Variants in ZDHHC17 observed in about 807,000 individuals in gnomAD.
ZDHHC17 encodes zDHHC palmitoyltransferase 17.
ZDHHC17 carries 40 observed loss-of-function variants against 90.3 expected under a neutral mutation model. The observed-to-expected ratio is 0.44, with a 90% CI of 0.34 to 0.58. The LOEUF is 0.58. Ranked by LOEUF, ZDHHC17 falls within the 20% of genes least tolerant of loss-of-function variation. The pLI is 0.01. For missense variants in ZDHHC17, 614 were observed against 780.8 expected, an observed-to-expected ratio of 0.79 and a Z score of 2.55; for synonymous variants, 235 against 252.4, an observed-to-expected ratio of 0.93 and a Z score of 0.65.
At chr12:76,781,943 G>A (rs1170771919) in intron 1 of ZDHHC17, among the ~76,000 whole-genome samples, 2 of 152,156 alleles carry the variant, frequency 1.3e-5, no homozygotes, top group African/African-American at 2.4e-5. Context: ...TGTTAAGTGG[G>A]TTTTTTCTTG....
Position 76,851,628 on chromosome 12 carries a change from A to G in ZDHHC17, c.*643A>G, listed in dbSNP as rs1953568984. On this transcript the variant is annotated 3_prime_UTR_variant, in exon 17 of 17. Transcript: ENST00000426126. ...CTAGTTCAGTGAAATAATTTGTAGTAACCTTACTCTGAGGTTTTACGGTCT... is the reference window on the plus strand; with the variant it reads ...CTAGTTCAGTGAAATAATTTGTAGTGACCTTACTCTGAGGTTTTACGGTCT... 6.5e-6 allele frequency: 1 copy of G among 152,730 alleles called. No homozygotes were observed. The highest frequency in any genetic ancestry group is 6.5e-5 in the Admixed American group (1 of 15,278). The allele number at this position is 152,730 out of a possible 1,614,324, so 9.5% of individuals were successfully genotyped here. A position where few individuals can be genotyped will look rare whatever the true frequency, so the allele number is the denominator to read the frequency against.
At chr12:76,842,227 TG>T in intron 11 of ZDHHC17, 121 bp downstream of exon 11, 1 of 1,077,440 alleles carries the variant, frequency 9.3e-7, no homozygotes, top group Non-Finnish European at 1.2e-6. Flanking sequence ...TAAGCTAAAT[TG>T]AGATTATGTA....
chr12:76,796,900 A>G (rs983657742), intron 1 of ZDHHC17, among the ~76,000 whole-genome samples: 1 of 152,224 alleles, frequency 6.6e-6, no homozygotes, highest in African/African-American at 2.4e-5. Flanking sequence ...CTTGTTTCTA[A>G]TCTTACAGAT....
rs1952395804 is a variant in ZDHHC17 at position 76,764,178 on chromosome 12, C to T, written c.-59C>T. 7.2e-7 allele frequency: 1 copy of T among 1,387,456 alleles called. No individual in the cohort carries two copies. The highest frequency in any genetic ancestry group is 9.6e-7 in the Non-Finnish European group (1 of 1,039,104). The allele number at this position is 1,387,456 out of a possible 1,614,324, so 85.9% of individuals were successfully genotyped here. ...TCGCCTCCGGCGGGGCTCGCGCTCG[C>T]CCCGCGCTCGCCCTCCGCCTCGCCC... is the stretch of plus-strand genomic sequence containing the variant. On this transcript the variant is annotated 5_prime_UTR_variant, in exon 1 of 17. Coordinates refer to ENST00000426126, the MANE Select transcript of ZDHHC17 (RefSeq NM_015336.4).
intron 10 of ZDHHC17, among the ~76,000 whole-genome samples, chr12:76,833,943 A>G (rs1223252357): frequency 6.6e-6 from 1 of 152,170 alleles, no homozygotes; most frequent in Non-Finnish European, 1.5e-5. Flanking sequence ...TGAATAGCCA[A>G]CCTAAATAGG....
chr12:76,788,128 G>A (rs1384366635), intron 1 of ZDHHC17, among the ~76,000 whole-genome samples: 1 of 152,174 alleles, frequency 6.6e-6, no homozygotes, highest in South Asian at 2.1e-4. Context: ...CATTGTGGGT[G>A]GGATAGTAGG....
At chr12:76,776,125 T>A (rs969886477) in intron 1 of ZDHHC17, among the ~76,000 whole-genome samples, 2 of 151,962 alleles carry the variant, frequency 1.3e-5, no homozygotes, top group Non-Finnish European at 2.9e-5. Context: ...AAAAAAAAAA[T>A]TCTTGACAAA....
Position 76,850,581 on chromosome 12 carries a change from A to C in ZDHHC17, c.1761-266A>C, listed in dbSNP as rs186960530. Among the ~76,000 whole-genome samples the C allele has an allele frequency of 1.3e-3, 191 of 152,260 alleles. 1 individual carries two copies. Among genetic ancestry groups the C allele is most frequent in the Non-Finnish European group, 1.8e-3 (122 of 68,024 alleles). On this transcript the variant is annotated intron_variant, in intron 16 of 16. Transcript: ENST00000426126. ...AAATAAAAATAAAAATGCATATAAC[A>C]CAGAAAGTATATGCACATTTGAATA... is the stretch of plus-strand genomic sequence containing the variant.
chr12:76,814,772 A>G (rs914667445), intron 5 of ZDHHC17, among the ~76,000 whole-genome samples: 1 of 151,920 alleles, frequency 6.6e-6, no homozygotes, highest in Non-Finnish European at 1.5e-5. Flanking sequence ...TTTGTTTTGA[A>G]ATGCCTAGGA....
chr12:76,801,987 AATT>A (rs1384483578), intron 2 of ZDHHC17, among the ~76,000 whole-genome samples: 1 of 152,150 alleles, frequency 6.6e-6, no homozygotes, highest in Non-Finnish European at 1.5e-5. Context: ...CGGAGTTACA[AATT>A]ATTGTTACGT....
intron 1 of ZDHHC17, among the ~76,000 whole-genome samples, chr12:76,776,102 A>T (rs1952556099): frequency 6.6e-6 from 1 of 151,908 alleles, no homozygotes; most frequent in South Asian, 2.1e-4. Context: ...GTCCCAAAAA[A>T]GGGTACAGGT....
intron 5 of ZDHHC17, chr12:76,813,381 C>T: frequency 2.2e-6 from 1 of 450,612 alleles, no homozygotes; most frequent in Non-Finnish European, 4.5e-6. Flanking sequence ...TTCCTGACAA[C>T]ACTATTAAAG....
chr12:76,802,949 A>C (rs1422730582), intron 2 of ZDHHC17, among the ~76,000 whole-genome samples: 1 of 152,150 alleles, frequency 6.6e-6, no homozygotes, highest in Non-Finnish European at 1.5e-5. Flanking sequence ...CTTTCAGTAC[A>C]GTATTCAATA....
chr12:76,846,046 T>A (rs57863212), intron 13 of ZDHHC17, among the ~76,000 whole-genome samples: 10 of 150,976 alleles, frequency 6.6e-5, no homozygotes, highest in South Asian at 2.1e-4. Context: ...GGAGGCAAAA[T>A]TTTTTTTTTC....
intron 1 of ZDHHC17, 123 bp downstream of exon 1, chr12:76,764,452 G>A (rs1952405548): frequency 1.1e-6 from 1 of 931,000 alleles, no homozygotes; most frequent in African/African-American, 1.7e-5. Flanking sequence ...GGGGAGGGTG[G>A]GGAGGCGAAT....
chr12:76,775,785 A>AT (rs1952551972), intron 1 of ZDHHC17, among the ~76,000 whole-genome samples: 1 of 152,134 alleles, frequency 6.6e-6, no homozygotes, highest in Non-Finnish European at 1.5e-5. Flanking sequence ...CAGTTCCAAG[A>AT]TTTTAAGAGA....
chr12:76,782,021 T>G (rs1952632825), intron 1 of ZDHHC17, among the ~76,000 whole-genome samples: 1 of 152,180 alleles, frequency 6.6e-6, no homozygotes, highest in Non-Finnish European at 1.5e-5. Context: ...AAAGCTGCAT[T>G]ATAAAGAGAT....
intron 2 of ZDHHC17, among the ~76,000 whole-genome samples, chr12:76,802,909 A>G (rs1592475672): frequency 6.6e-6 from 1 of 152,186 alleles, no homozygotes; most frequent in Admixed American, 6.6e-5. Flanking sequence ...TATGACCCAT[A>G]CAGCCGTTCT....
intron 2 of ZDHHC17, among the ~76,000 whole-genome samples, chr12:76,797,762 G>A (rs1217665484): frequency 6.6e-6 from 1 of 152,040 alleles, no homozygotes; most frequent in East Asian, 1.9e-4. Flanking sequence ...GGCCGACATG[G>A]TGAAACCCCG....
Sources: gnomAD v4.1 joint callset for allele counts (sites outside exome capture counted in the v4.1 genomes callset) on GRCh38, gnomAD v4.1.1 for gene constraint, MANE v1.5 for transcripts, NCBI Gene and HGNC (gene_info 2026-07-23, HGNC 2026-07-21) for gene names.